ARL15: variants seen among roughly 807,000 people sequenced by gnomAD.
The protein encoded by ARL15 is ADP-ribosylation factor-like protein 15.
A neutral mutation model predicts 25.2 loss-of-function variants in ARL15; 19 were observed. The ratio of observed to expected loss-of-function variants is 0.75; its 90% confidence interval spans 0.53 to 1.10. ARL15 has a LOEUF of 1.10. ARL15 is among the 50% of genes least tolerant of loss of function. ARL15 has a pLI of 0.00. For synonymous variants in ARL15, 94 were observed against 86.8 expected, an observed-to-expected ratio of 1.08 and a Z score of -0.46; for missense variants, 220 against 246.0, an observed-to-expected ratio of 0.89 and a Z score of 0.71.
chr5:53,924,156 T>C (rs113928779), intron 4 of ARL15, among the ~76,000 whole-genome samples: 1,807 of 152,316 alleles, frequency 0.012, 23 homozygotes, highest in Non-Finnish European at 0.017. Flanking sequence ...CATGAGCACC[T>C]TGAGAAGTAA....
intron 4 of ARL15, among the ~76,000 whole-genome samples, chr5:53,973,211 T>A (rs887458889): frequency 4.3e-5 from 6 of 141,150 alleles, no homozygotes; most frequent in African/African-American, 9.7e-5. Flanking sequence ...TAAACTTGAT[T>A]TAAAGTTTTT....
intron 4 of ARL15, chr5:54,048,363 T>C (rs1047508474): frequency 6.7e-6 from 1 of 148,642 alleles, no homozygotes; most frequent in Non-Finnish European, 1.5e-5. Flanking sequence ...CATCAAAATT[T>C]TGTATATTTA....
intron 1 of ARL15, among the ~76,000 whole-genome samples, chr5:54,181,874 T>C (rs1389901972): frequency 6.7e-6 from 1 of 150,188 alleles, no homozygotes; most frequent in Non-Finnish European, 1.5e-5. Flanking sequence ...CATAGTGGTT[T>C]TGATTTGCAT....
intron 1 of ARL15, among the ~76,000 whole-genome samples, chr5:54,268,443 G>A (rs1396206867): frequency 3.3e-5 from 5 of 152,228 alleles, no homozygotes; most frequent in Admixed American, 6.5e-5. Flanking sequence ...TAGTTTGATC[G>A]TCTGAAGCCT....
Position 54,043,278 on chromosome 5 carries a change from C to T in ARL15, c.462+69924G>A, listed in dbSNP as rs114969997. ...TATCTTTCCCATATACAATTACCTTCCCAGAGCTAGGGGTATGCCTTATTT... is the reference window on the plus strand; with the variant it reads ...TATCTTTCCCATATACAATTACCTTTCCAGAGCTAGGGGTATGCCTTATTT... On this transcript the variant is annotated intron_variant, in intron 4 of 4. Coordinates refer to ENST00000504924, the MANE Select transcript of ARL15 (RefSeq NM_019087.3). Among the ~76,000 whole-genome samples the T allele has an allele frequency of 1.3e-3, 195 of 152,222 alleles. 1 individual carries two copies. Among genetic ancestry groups the T allele is most frequent in the African/African-American group, 4.4e-3 (184 of 41,524 alleles).
chr5:54,072,072 GC>G (rs1349679252), intron 4 of ARL15, among the ~76,000 whole-genome samples: 3 of 151,842 alleles, frequency 2.0e-5, no homozygotes, highest in Admixed American at 2.0e-4. Flanking sequence ...CCACAAACCT[GC>G]CACTGTATCA....
At chr5:54,081,688 C>T (rs572487483) in intron 4 of ARL15, among the ~76,000 whole-genome samples, 1 of 152,150 alleles carries the variant, frequency 6.6e-6, no homozygotes, top group African/African-American at 2.4e-5. Context: ...TCCTCTTCGC[C>T]TTCTGCCATA....
At chr5:54,265,575 C>T (rs551511608) in intron 1 of ARL15, among the ~76,000 whole-genome samples, 3 of 152,158 alleles carry the variant, frequency 2.0e-5, no homozygotes, top group South Asian at 2.1e-4. Context: ...AGAGGGACTC[C>T]GAATTATTTC....
chr5:54,217,838 A>G (rs1158647257), intron 1 of ARL15, among the ~76,000 whole-genome samples: 4 of 152,134 alleles, frequency 2.6e-5, no homozygotes, highest in Non-Finnish European at 5.9e-5. Context: ...TCGGTATGTC[A>G]TTCTCTATGT....
chr5:54,227,479 G>T (rs1368992087), intron 1 of ARL15, among the ~76,000 whole-genome samples: 2 of 152,204 alleles, frequency 1.3e-5, no homozygotes, highest in Non-Finnish European at 2.9e-5. Flanking sequence ...ATAGAGACTT[G>T]TGGGCCAGAA....
chr5:53,886,422 T>C lies in ARL15; in HGVS notation c.*139A>G. ...CTGATCTACAGAATATTCACTTTAATAGAGAGATGAGAGTCTGAAATGACC... is the reference window on the plus strand; with the variant it reads ...CTGATCTACAGAATATTCACTTTAACAGAGAGATGAGAGTCTGAAATGACC... On this transcript the variant is annotated 3_prime_UTR_variant, in exon 5 of 5. Coordinates refer to ENST00000504924, the MANE Select transcript of ARL15 (RefSeq NM_019087.3). 3.5e-6 allele frequency: 3 copies of C among 864,696 alleles called. No individual in the cohort carries two copies. The highest frequency in any genetic ancestry group is 3.4e-6 in the Non-Finnish European group (2 of 580,196). The allele number at this position is 864,696 out of a possible 1,614,324, so 53.6% of individuals were successfully genotyped here. A position where few individuals can be genotyped will look rare whatever the true frequency, so the allele number is the denominator to read the frequency against.
At chr5:54,201,929 G>A (rs572607258) in intron 1 of ARL15, among the ~76,000 whole-genome samples, 4 of 152,082 alleles carry the variant, frequency 2.6e-5, no homozygotes, top group Non-Finnish European at 4.4e-5. Context: ...AATCAAGAGA[G>A]CAAGCTATGT....
At chr5:54,130,835 A>G (rs1753404902) in intron 3 of ARL15, among the ~76,000 whole-genome samples, 1 of 152,214 alleles carries the variant, frequency 6.6e-6, no homozygotes. Context: ...GGAAACTTAA[A>G]TGAATGGCAC....
chr5:54,122,221 C>T (rs896095473), intron 3 of ARL15, among the ~76,000 whole-genome samples: 2 of 152,222 alleles, frequency 1.3e-5, no homozygotes, highest in African/African-American at 4.8e-5. Flanking sequence ...CTTCCTCCCT[C>T]ATTGCTGTCT....
At chr5:54,130,249 C>T (rs531299948) in intron 3 of ARL15, among the ~76,000 whole-genome samples, 3 of 152,158 alleles carry the variant, frequency 2.0e-5, no homozygotes, top group Admixed American at 2.0e-4. Flanking sequence ...CAAGCAAAAC[C>T]ATAAAATGTT....
intron 1 of ARL15, among the ~76,000 whole-genome samples, chr5:54,246,795 CAT>C (rs3222333): frequency 4.1e-4 from 34 of 83,026 alleles, no homozygotes; most frequent in African/African-American, 1.4e-3. Flanking sequence ...ACAAAGCATG[CAT>C]ACACACACAC....
chr5:54,217,291 G>T (rs1018352411), intron 1 of ARL15, among the ~76,000 whole-genome samples: 4 of 150,584 alleles, frequency 2.7e-5, no homozygotes, highest in African/African-American at 9.8e-5. Flanking sequence ...TAAAATAAGA[G>T]AAGTTCAGGA....
intron 4 of ARL15, among the ~76,000 whole-genome samples, chr5:54,007,933 A>T (rs931449254): frequency 6.6e-6 from 1 of 152,142 alleles, no homozygotes; most frequent in African/African-American, 2.4e-5. Flanking sequence ...CAGGAAAGAG[A>T]GGGTTAAATT....
intron 4 of ARL15, among the ~76,000 whole-genome samples, chr5:53,963,805 TCACACACACACA>T (rs60458728): frequency 1.8e-3 from 262 of 143,138 alleles, no homozygotes; most frequent in East Asian, 6.6e-3. Context: ...TGAAACTCCA[TCACACACACACA>T]CACACACACA....
Sources: gnomAD v4.1 joint callset for allele counts (sites outside exome capture counted in the v4.1 genomes callset) on GRCh38, gnomAD v4.1.1 for gene constraint, MANE v1.5 for transcripts, NCBI Gene and HGNC (gene_info 2026-07-23, HGNC 2026-07-21) for gene names.